Variants in ARHGAP12 observed in about 807,000 individuals in gnomAD.
ARHGAP12 encodes the protein rho GTPase-activating protein 12.
ARHGAP12 carries 64 observed loss-of-function variants against 108.6 expected under a neutral mutation model. The ratio of observed to expected loss-of-function variants is 0.59; its 90% CI spans 0.48 to 0.73. ARHGAP12 has a LOEUF of 0.73. ARHGAP12 is among the 30% of genes least tolerant of loss of function. ARHGAP12 has a pLI of 0.00. For missense variants in ARHGAP12, 940 were observed against 1,005.9 expected (o/e 0.93, Z 0.89); for synonymous variants, 312 against 337.2 (o/e 0.93, Z 0.82).
chr10:31,839,540 G>C, intron 8 of ARHGAP12, 97 bp downstream of exon 8: 1 of 1,216,766 alleles, frequency 8.2e-7, no homozygotes, highest in Non-Finnish European at 1.1e-6. Context: ...AAATTTAATA[G>C]AAGCTCATTT....
intron 9 of ARHGAP12, 102 bp downstream of exon 9, chr10:31,839,203 T>C (rs1415439019): frequency 2.4e-6 from 3 of 1,234,486 alleles, no homozygotes; most frequent in Non-Finnish European, 3.5e-6. Flanking sequence ...AGTTAAGCTA[T>C]ATTATTTCCA....
chr10:31,866,044 A>T (rs1225170158), intron 3 of ARHGAP12, among the ~76,000 whole-genome samples: 2 of 152,242 alleles, frequency 1.3e-5, no homozygotes, highest in Non-Finnish European at 2.9e-5. Flanking sequence ...TAAAGTCAGC[A>T]TATGATCTTG....
chr10:31,828,637 G>A (rs1238335890), intron 10 of ARHGAP12, among the ~76,000 whole-genome samples: 4 of 152,058 alleles, frequency 2.6e-5, no homozygotes, highest in African/African-American at 4.8e-5. Flanking sequence ...GTAAAATAAC[G>A]ATTATTGCCT....
chr10:31,913,434 G>C (rs1035976657), intron 1 of ARHGAP12: 1 of 167,958 alleles, frequency 6.0e-6, no homozygotes, highest in African/African-American at 2.4e-5. Context: ...GGCCTCCTTT[G>C]TTTGGCCTTT....
In ARHGAP12 at chr10:31,826,351, C is replaced by G; in HGVS notation, c.1483G>C (p.Gly495Arg). Residue 495 changes from glycine (G) to arginine (R), a missense_variant, in exon 11 of 20, where the codon GGT (glycine) becomes CGT (arginine). Transcript: ENST00000344936. ...GTTTTGGTAAAAAGTAAAGATGAAC[C>G]CTGCAACACCGCCCAAGAAGACAAC... is the stretch of plus-strand genomic sequence containing the variant. ...NWLSSWAVLQ[G>R]SSLLFTKTQG... is the part of the protein sequence containing the mutation. The G allele has an allele frequency of 6.2e-7, 1 of 1,612,136 alleles. No homozygotes were observed. The highest frequency in any genetic ancestry group is 8.5e-7 in the Non-Finnish European group (1 of 1,178,958).
chr10:31,851,453 T>G (rs1405988690), intron 6 of ARHGAP12, among the ~76,000 whole-genome samples: 1 of 152,182 alleles, frequency 6.6e-6, no homozygotes, highest in Non-Finnish European at 1.5e-5. Context: ...CATGAACTTT[T>G]CCATTATGGC....
At chr10:31,906,869 T>C (rs1018463728) in intron 3 of ARHGAP12, among the ~76,000 whole-genome samples, 4 of 152,168 alleles carry the variant, frequency 2.6e-5, no homozygotes, top group Non-Finnish European at 5.9e-5. Flanking sequence ...GGCCCATTAG[T>C]TCCCTGAGGA....
intron 6 of ARHGAP12, among the ~76,000 whole-genome samples, chr10:31,849,651 T>C (rs942737880): frequency 1.3e-5 from 2 of 152,210 alleles, no homozygotes; most frequent in Admixed American, 1.3e-4. Context: ...ATTTCCACTG[T>C]ATTTAATTCA....
intron 11 of ARHGAP12, among the ~76,000 whole-genome samples, chr10:31,821,781 TA>T (rs974587107): frequency 6.6e-6 from 1 of 152,146 alleles, no homozygotes; most frequent in African/African-American, 2.4e-5. Flanking sequence ...GGAATCATAA[TA>T]AAAATCACAA....
At chr10:31,820,186 T>C (rs568919268) in intron 12 of ARHGAP12, among the ~76,000 whole-genome samples, 2 of 152,298 alleles carry the variant, frequency 1.3e-5, no homozygotes, top group Admixed American at 6.5e-5. Flanking sequence ...GCTTGTAATA[T>C]ACAGTCTGAG....
intron 16 of ARHGAP12, 115 bp downstream of exon 16, chr10:31,810,534 A>G (rs1834977835): frequency 1.5e-6 from 1 of 668,176 alleles, no homozygotes; most frequent in Non-Finnish European, 2.5e-6. Context: ...TCTTAGGACT[A>G]TAAGGAACTT....
chr10:31,876,079 T>C (rs920896283), intron 3 of ARHGAP12, among the ~76,000 whole-genome samples: 2 of 152,244 alleles, frequency 1.3e-5, no homozygotes, highest in African/African-American at 2.4e-5. Context: ...CTTTTGGCTA[T>C]AGTGAACAAT....
Position 31,917,223 on chromosome 10 carries a change from C to G in ARHGAP12, c.-110-6660G>C, listed in dbSNP as rs377485643. On this transcript the variant is annotated intron_variant, in intron 1 of 19. Transcript: ENST00000344936. ...AGGAAATCGAGACCATGCTGGTTAACACGGTGAAACCTCGTCTCTACTAAA... is the reference window on the plus strand; with the variant it reads ...AGGAAATCGAGACCATGCTGGTTAAGACGGTGAAACCTCGTCTCTACTAAA... Among the ~76,000 whole-genome samples, 184 of 151,878 alleles carry G rather than the reference C, an allele frequency of 1.2e-3. 2 individuals are homozygous for G. In the Middle Eastern group the frequency reaches 0.014, roughly 11 times the overall value.
chr10:31,916,055 T>C (rs1284490062), intron 1 of ARHGAP12, among the ~76,000 whole-genome samples: 1 of 152,186 alleles, frequency 6.6e-6, no homozygotes, highest in Non-Finnish European at 1.5e-5. Context: ...CTATAAAGTA[T>C]TTTGGTTAAA....
rs1423564107 is a variant in ARHGAP12 at position 31,831,783 on chromosome 10, T to C, written c.1404A>G (p.Gly468=). ...ASSPKDQEKY[G]LLNVTKIAEN... ...CAGCAATTTTTGTTACATTTAATAA[T>C]CCATATTTCTCTTGATCCTATGGAA... The change falls in exon 10 of 20, where the codon GGA becomes GGG. Residue 468 remains glycine, a synonymous_variant. Coordinates refer to ENST00000344936, the MANE Select transcript of ARHGAP12 (RefSeq NM_018287.7). 1.3e-5 allele frequency: 21 copies of C among 1,579,600 alleles called. No homozygotes were observed. Among genetic ancestry groups the C allele is most frequent in the Non-Finnish European group, 1.8e-5 (21 of 1,151,802 alleles).
chr10:31,921,475 G>A (rs148674703), intron 1 of ARHGAP12, among the ~76,000 whole-genome samples: 279 of 152,118 alleles, frequency 1.8e-3, no homozygotes, highest in African/African-American at 6.2e-3. Context: ...TAAATCCAAA[G>A]TTTGTAGAGG....
chr10:31,896,120 A>G (rs1180818491), intron 3 of ARHGAP12, among the ~76,000 whole-genome samples: 1 of 152,106 alleles, frequency 6.6e-6, no homozygotes, highest in Non-Finnish European at 1.5e-5. Context: ...GGATAGCATT[A>G]GGAGATATAC....
intron 12 of ARHGAP12, among the ~76,000 whole-genome samples, chr10:31,819,985 C>T (rs1035027299): frequency 3.3e-5 from 5 of 151,232 alleles, no homozygotes; most frequent in Non-Finnish European, 7.4e-5. Flanking sequence ...ATTTTTTAGA[C>T]CAGTTTTTGG....
intron 1 of ARHGAP12, among the ~76,000 whole-genome samples, chr10:31,918,546 A>G (rs1839660722): frequency 1.3e-5 from 2 of 152,118 alleles, no homozygotes; most frequent in Non-Finnish European, 2.9e-5. Flanking sequence ...CTACAAACAA[A>G]AATTTAAAAA....
Sources: allele counts gnomAD v4.1 joint callset (sites outside exome capture counted in the v4.1 genomes callset), GRCh38; gene constraint gnomAD v4.1.1; transcripts MANE v1.5; gene names NCBI Gene and HGNC (gene_info 2026-07-23, HGNC 2026-07-21).